SEMA5B: variants seen among roughly 807,000 people sequenced by gnomAD.
SEMA5B encodes semaphorin 5B.
Under a neutral mutation model 135.0 loss-of-function variants are expected in SEMA5B, and 66 were observed. That is an observed-to-expected ratio of 0.49 (90% CI 0.40 to 0.60). The LOEUF is 0.60. Among genes scored for constraint, SEMA5B ranks in the 20% least tolerant of loss-of-function variants. The pLI is 0.00. For missense variants in SEMA5B, 1,501 were observed against 1,566.3 expected (o/e 0.96, Z 0.70); for synonymous variants, 690 against 639.5 (o/e 1.08, Z -1.19).
Position 122,911,531 on chromosome 3 carries a change from G to A in SEMA5B, c.3051C>T (p.Ile1017=), listed in dbSNP as rs761043073. 6.2e-7 allele frequency: 1 copy of A among 1,609,938 alleles called. No individual in the cohort carries two copies. Among genetic ancestry groups the A allele is most frequent in the Non-Finnish European group, 8.5e-7 (1 of 1,178,998 alleles). Residue 1017 remains isoleucine, a synonymous_variant, in exon 21 of 23, where the codon ATC becomes ATT. Coordinates refer to ENST00000357599, the MANE Select transcript of SEMA5B (RefSeq NM_001031702.4). ...CCTCCTCCATGCTGGAGGCTGGCAG[G>A]ATGACTGCAGGAAGACCAGTGGACA... ...RPCPYSEIPV[I]LPASSMEEAT...
chr3:123,021,252 A>G (rs1372197951), intron 1 of SEMA5B, among the ~76,000 whole-genome samples: 1 of 152,210 alleles, frequency 6.6e-6, no homozygotes, highest in African/African-American at 2.4e-5. Flanking sequence ...TTCGGGCAGA[A>G]ATACACACCA....
Position 122,915,778 on chromosome 3 carries a change from A to T in SEMA5B, c.1801T>A (p.Cys601Ser), listed in dbSNP as rs374742810. The T allele has an allele frequency of 1.9e-6, 3 of 1,613,812 alleles. No individual in the cohort carries two copies. The African/African-American group carries it at 4.0e-5, about 22-fold the overall frequency. Reference sequence around the variant, plus strand: ...GGACACAAGGGGATTCTCACAGGACAGGCGGTGATGTTCTGGGTCCAGAGG... The same window carrying T: ...GGACACAAGGGGATTCTCACAGGACTGGCGGTGATGTTCTGGGTCCAGAGG... ...MSLWTQNITA[C>S]PVRNVTRDGG... is the part of the protein sequence containing the mutation. Residue 601 changes from cysteine (C) to serine (S), a missense_variant, in exon 13 of 23, where the codon TGT becomes AGT. Cys to Ser is a moderately radical substitution (Grantham distance 112). Coordinates refer to ENST00000357599, the MANE Select transcript of SEMA5B (RefSeq NM_001031702.4).
chr3:122,911,528 C>A lies in SEMA5B; in HGVS notation c.3054G>T (p.Leu1018=), dbSNP rs1937705272. The A allele has an allele frequency of 3.1e-6, 5 of 1,609,962 alleles. No homozygotes were observed. Among genetic ancestry groups the A allele is most frequent in the Non-Finnish European group, 4.2e-6 (5 of 1,178,946 alleles). Reference sequence around the variant, plus strand: ...TGGCCTCCTCCATGCTGGAGGCTGGCAGGATGACTGCAGGAAGACCAGTGG... The same window carrying A: ...TGGCCTCCTCCATGCTGGAGGCTGGAAGGATGACTGCAGGAAGACCAGTGG... ...PCPYSEIPVI[L]PASSMEEATD... is the part of the protein sequence containing the mutation. The change falls in exon 21 of 23, where the codon CTG becomes CTT. Residue 1018 remains leucine, a synonymous_variant. Transcript: ENST00000357599.
At chr3:122,946,547 C>A (rs189044816) in intron 3 of SEMA5B, among the ~76,000 whole-genome samples, 1 of 152,224 alleles carries the variant, frequency 6.6e-6, no homozygotes, top group Admixed American at 6.5e-5. Context: ...CAGTCCTTTG[C>A]CCAGCATGAA....
intron 1 of SEMA5B, among the ~76,000 whole-genome samples, chr3:123,011,039 A>G (rs1942429042): frequency 6.6e-6 from 1 of 152,258 alleles, no homozygotes; most frequent in Admixed American, 6.5e-5. Flanking sequence ...TCAAGTGGAT[A>G]GGCCCAAAGG....
At chr3:122,912,562 G>T (rs1022474607) in intron 18 of SEMA5B, among the ~76,000 whole-genome samples, 1 of 151,602 alleles carries the variant, frequency 6.6e-6, no homozygotes, top group African/African-American at 2.4e-5. Context: ...GAGGGAGAGA[G>T]ACCGACTCCA....
At chr3:122,970,119 TGCCCACAGCAGGTGG>T (rs1242874195) in intron 1 of SEMA5B, among the ~76,000 whole-genome samples, 1 of 152,148 alleles carries the variant, frequency 6.6e-6, no homozygotes, top group Non-Finnish European at 1.5e-5. Context: ...CAAATATGGG[TGCCCACAGCAGGTGG>T]GCAGCCAAGT....
At chr3:122,966,625 G>A (rs1169382856) in intron 1 of SEMA5B, among the ~76,000 whole-genome samples, 10 of 150,250 alleles carry the variant, frequency 6.7e-5, no homozygotes, top group Non-Finnish European at 1.5e-4. Flanking sequence ...CGTGATCTCA[G>A]CTCACTGCAA....
intron 1 of SEMA5B, among the ~76,000 whole-genome samples, chr3:122,971,440 CACTCAT>C (rs1487324533): frequency 1.3e-5 from 2 of 152,248 alleles, no homozygotes; most frequent in Non-Finnish European, 2.9e-5. Context: ...AAAGTGTAGA[CACTCAT>C]AAAGCAGCCA....
chr3:123,016,635 T>C (rs1286355551), intron 1 of SEMA5B, among the ~76,000 whole-genome samples: 2 of 152,006 alleles, frequency 1.3e-5, no homozygotes, highest in Non-Finnish European at 2.9e-5. Context: ...AGTGCAGTGA[T>C]GCTATCACAG....
intron 1 of SEMA5B, among the ~76,000 whole-genome samples, chr3:123,019,810 T>C (rs907053725): frequency 6.6e-6 from 1 of 152,006 alleles, no homozygotes; most frequent in Non-Finnish European, 1.5e-5. Context: ...ACAAGGATGC[T>C]GGAGGTGGGG....
rs1576340221 is a variant in SEMA5B, at chr3:122,926,749, C to G, written c.851-72G>C. ...AGAAGATGGCAGAGTCGGGAGGACT[C>G]AACTACTTCGGTTTTCCCAGATGGG... On this transcript the variant is annotated intron_variant, in intron 8 of 22. Coordinates refer to ENST00000357599, the MANE Select transcript of SEMA5B (RefSeq NM_001031702.4). The G allele has an allele frequency of 2.3e-5, 36 of 1,547,812 alleles. 1 individual carries two copies. The South Asian group carries it at 4.3e-4, about 19-fold the overall frequency.
chr3:122,966,075 C>T (rs1157674400), intron 1 of SEMA5B, among the ~76,000 whole-genome samples: 1 of 152,218 alleles, frequency 6.6e-6, no homozygotes, highest in East Asian at 1.9e-4. Context: ...CCAGACCCTT[C>T]TCAGAAGGCC....
At chr3:122,913,466 C>G in intron 16 of SEMA5B, 42 bp from the exon 17 acceptor site, 3 of 1,563,146 alleles carry the variant, frequency 1.9e-6, no homozygotes, top group South Asian at 2.3e-5. Flanking sequence ...CCCACGGCCT[C>G]CAGGCCCGCC....
In SEMA5B at chr3:122,923,750, T is replaced by A. The variant is rs187250530; in HGVS notation, c.1139A>T (p.Asn380Ile). 6.2e-7 allele frequency: 1 copy of A among 1,614,014 alleles called. No individual in the cohort carries two copies. Among genetic ancestry groups the A allele is most frequent in the Non-Finnish European group, 8.5e-7 (1 of 1,179,962 alleles). ...GCAGACAGCAGAAGCCGCGATGCTG[T>A]TTCTGAAAGGCAAGAAGTGGTGGCA... ...LIYGVFTTNV[N>I]SIAASAVCAF... Residue 380 changes from asparagine to isoleucine, a missense_variant and splice_region_variant, in exon 10 of 23, where the codon AAC (asparagine) becomes ATC (isoleucine). Asn to Ile is a moderately radical substitution (Grantham distance 149). Coordinates refer to ENST00000357599, the MANE Select transcript of SEMA5B (RefSeq NM_001031702.4).
chr3:122,934,151 C>A lies in SEMA5B; in HGVS notation c.475-5093G>T, dbSNP rs180944650. Among the ~76,000 whole-genome samples, 641 of 151,448 alleles carry A rather than the reference C, an allele frequency of 4.2e-3. 10 individuals are homozygous for A. The highest frequency in any genetic ancestry group is 0.01 in the Admixed American group (158 of 15,134). The stretch of plus-strand genomic sequence containing the variant: ...CGAACTCCTGGTCTCAGGTGATCCA[C>A]CCGCCTCGGCCTCCCAAAGTGCTGG... On this transcript the variant is annotated intron_variant, in intron 5 of 22. Transcript: ENST00000357599.
chr3:122,927,552 C>A (rs995370053), intron 8 of SEMA5B, among the ~76,000 whole-genome samples: 1 of 152,204 alleles, frequency 6.6e-6, no homozygotes, highest in African/African-American at 2.4e-5. Flanking sequence ...ATCTCCGTCT[C>A]TCCTAATAGC....
intron 1 of SEMA5B, among the ~76,000 whole-genome samples, chr3:123,009,672 C>A (rs1232682763): frequency 1.3e-5 from 2 of 152,212 alleles, no homozygotes; most frequent in Non-Finnish European, 2.9e-5. Flanking sequence ...AGTGACCTTG[C>A]AATCCTGCAG....
At chr3:122,985,971 T>A (rs1348098849) in intron 1 of SEMA5B, among the ~76,000 whole-genome samples, 1 of 152,194 alleles carries the variant, frequency 6.6e-6, no homozygotes, top group Non-Finnish European at 1.5e-5. Context: ...GTTAGTAGAA[T>A]CAAAAATGAC....
Sources: gnomAD v4.1 joint callset for allele counts (sites outside exome capture counted in the v4.1 genomes callset) on GRCh38, gnomAD v4.1.1 for gene constraint, MANE v1.5 for transcripts, NCBI Gene and HGNC (gene_info 2026-07-23, HGNC 2026-07-21) for gene names.